The following AGAP1 variants were observed in gnomAD, a reference collection of about 807,000 sequenced individuals.
The protein encoded by AGAP1 is ArfGAP with GTPase domain, ankyrin repeat and PH domain 1, also known as arf-GAP with GTPase, ANK repeat and PH domain-containing protein 1.
AGAP1 carries 29 observed loss-of-function variants against 105.3 expected under a neutral mutation model. The observed-to-expected ratio is 0.28, with a 90% CI of 0.21 to 0.38. The LOEUF (loss-of-function observed/expected upper bound fraction) is 0.38. Ranked by LOEUF, AGAP1 falls within the 10% of genes least tolerant of loss-of-function variation. AGAP1 has a pLI of 1.00. For missense variants in AGAP1, 998 were observed against 1,165.1 expected (o/e 0.86, Z 2.09); for synonymous variants, 509 against 485.9 (o/e 1.05, Z -0.63).
chr2:235,797,786 A>G lies in AGAP1; in HGVS notation c.701A>G (p.Lys234Arg). ...GCCCAGAAGATTGTTGCCACAAGGA[A>G]GAAGCAGCAGCTGTCCATAGGACCC... ...DVAQKIVATR[K>R]KQQLSIGPCK... Residue 234 changes from lysine (K) to arginine (R), a missense_variant, in exon 7 of 18, where the codon AAG (lysine) becomes AGG (arginine). Around this residue, in one of 3 missense-constraint regions of AGAP1, gnomAD observed 735 missense variants for 833.4 expected, o/e 0.88. Coordinates refer to ENST00000304032, the MANE Select transcript of AGAP1 (RefSeq NM_001037131.3). 1 of 1,614,210 alleles carries G rather than the reference A, an allele frequency of 6.2e-7. No homozygotes were observed. Among genetic ancestry groups the G allele is most frequent in the Non-Finnish European group, 8.5e-7 (1 of 1,180,048 alleles).
chr2:235,629,486 G>T (rs1946754279), intron 1 of AGAP1, among the ~76,000 whole-genome samples: 1 of 152,078 alleles, frequency 6.6e-6, no homozygotes, highest in African/African-American at 2.4e-5. Context: ...ACAGGACAGA[G>T]ACATGAAAAT....
chr2:235,590,665 A>ATG (rs147286191), intron 1 of AGAP1, among the ~76,000 whole-genome samples: 2,672 of 127,404 alleles, frequency 0.021, 90 homozygotes, highest in African/African-American at 0.072. Context: ...TTTTGTTTTA[A>ATG]TGTGTGTGTG....
chr2:235,536,627 T>TCGCACA (rs1491469457), intron 1 of AGAP1, among the ~76,000 whole-genome samples: 1 of 108,240 alleles, frequency 9.2e-6, no homozygotes, highest in African/African-American at 3.7e-5. Flanking sequence ...GTCGCATCCT[T>TCGCACA]CACACACACA....
chr2:235,779,717 A>G (rs753870339), intron 6 of AGAP1, among the ~76,000 whole-genome samples: 4 of 152,240 alleles, frequency 2.6e-5, no homozygotes, highest in African/African-American at 4.8e-5. Flanking sequence ...TGCAGACTGA[A>G]GGTGAAAACC....
At chr2:235,833,545 C>T (rs1006415801) in intron 9 of AGAP1, among the ~76,000 whole-genome samples, 1 of 151,518 alleles carries the variant, frequency 6.6e-6, no homozygotes, top group African/African-American at 2.4e-5. Context: ...TCACCCCGCC[C>T]CCTCCTCAGA....
Position 235,866,732 on chromosome 2 carries a change from G to A in AGAP1, c.1051-16613G>A, listed in dbSNP as rs2049188342. Among the ~76,000 whole-genome samples, 1 of 152,228 alleles carries A rather than the reference G, an allele frequency of 6.6e-6. No individual in the cohort carries two copies. Among genetic ancestry groups the A allele is most frequent in the African/African-American group, 2.4e-5 (1 of 41,462 alleles). ...CTGGAAGTCTTGGATCAAGGCCTCA[G>A]TGGGATTGGCTTCTCCTGAAGCCTC... On this transcript the variant is annotated intron_variant, in intron 9 of 17. Transcript: ENST00000304032. The surrounding 1 kb of genome is among the most constrained non-coding windows in gnomAD (Gnocchi z 6.1).
chr2:235,747,684 C>A lies in AGAP1; in HGVS notation c.539-2670C>A, dbSNP rs886474113. ...TGCACGTGGGCTCTGAGGGTCCCTG[C>A]CGCGACGCTTGCTTCCTGCGTGCAG... is the stretch of plus-strand genomic sequence containing the variant. On this transcript the variant is annotated intron_variant, in intron 5 of 17. Coordinates refer to ENST00000304032, the MANE Select transcript of AGAP1 (RefSeq NM_001037131.3). The surrounding 1 kb of genome is among the most constrained non-coding windows in gnomAD (Gnocchi z 5.0). Among the ~76,000 whole-genome samples the A allele has an allele frequency of 1.3e-5, 2 of 152,348 alleles. No homozygotes were observed. Among genetic ancestry groups the A allele is most frequent in the South Asian group, 4.1e-4 (2 of 4,824 alleles).
chr2:235,513,180 C>T (rs1554232), intron 1 of AGAP1, among the ~76,000 whole-genome samples: 27,249 of 152,040 alleles, frequency 0.18, 2,706 homozygotes, highest in East Asian at 0.31. Context: ...CTTTAGCCTG[C>T]GTCAGGATCA....
intron 16 of AGAP1, among the ~76,000 whole-genome samples, chr2:236,116,945 G>T (rs2059786599): frequency 6.6e-6 from 1 of 152,102 alleles, no homozygotes; most frequent in African/African-American, 2.4e-5. Flanking sequence ...CCTTTTTATG[G>T]CTGTGTTGTA....
chr2:235,627,205 T>G (rs575448937), intron 1 of AGAP1, among the ~76,000 whole-genome samples: 20 of 147,024 alleles, frequency 1.4e-4, no homozygotes, highest in Non-Finnish European at 1.8e-4. Context: ...TTTTTTTTTT[T>G]TTTTTTTTTT....
intron 13 of AGAP1, among the ~76,000 whole-genome samples, chr2:235,975,207 G>C (rs2054806604): frequency 6.6e-6 from 1 of 152,190 alleles, no homozygotes; most frequent in South Asian, 2.1e-4. Context: ...TTTTTACTTA[G>C]ATGCTAAGAA....
In AGAP1 at chr2:236,012,275, C is replaced by T. The variant is rs2056540175; in HGVS notation, c.1646-24286C>T. On this transcript the variant is annotated intron_variant, in intron 13 of 17. Transcript: ENST00000304032. This position sits in a 1 kb window ranked among gnomAD's most constrained non-coding sequence, Gnocchi z 4.9. ...AGGAAAGAGGCTTTCTGCACTCGGG[C>T]ACCCCTCCCCTCCCGAGGGGTGCCC... Among the ~76,000 whole-genome samples the T allele has an allele frequency of 6.6e-6, 1 of 151,994 alleles. No individual in the cohort carries two copies. Among genetic ancestry groups the T allele is most frequent in the Admixed American group, 6.5e-5 (1 of 15,268 alleles).
chr2:235,762,912 TGA>T (rs1954574174), intron 6 of AGAP1, among the ~76,000 whole-genome samples: 1 of 152,012 alleles, frequency 6.6e-6, no homozygotes, highest in Non-Finnish European at 1.5e-5. Flanking sequence ...AAACCTTCAG[TGA>T]GTACGTTGGA....
In AGAP1 at chr2:235,574,405, A is replaced by G. The variant is rs1186940907; in HGVS notation, c.163+79556A>G. ...TCTTTGCTAAATGCATAAACTGTAT[A>G]ACGAAATGTAATTAGTGAAGGTGCA... On this transcript the variant is annotated intron_variant, in intron 1 of 17. Coordinates refer to ENST00000304032, the MANE Select transcript of AGAP1 (RefSeq NM_001037131.3). The surrounding 1 kb of genome is among the most constrained non-coding windows in gnomAD (Gnocchi z 5.0). Among the ~76,000 whole-genome samples, 2 of 152,256 alleles carry G rather than the reference A, an allele frequency of 1.3e-5. No individual in the cohort carries two copies. Among genetic ancestry groups the G allele is most frequent in the Non-Finnish European group, 2.9e-5 (2 of 68,044 alleles).
intron 1 of AGAP1, among the ~76,000 whole-genome samples, chr2:235,656,894 C>T (rs1256575556): frequency 2.0e-5 from 3 of 152,172 alleles, no homozygotes; most frequent in African/African-American, 4.8e-5. Context: ...GCATCCTATT[C>T]GGTTTTGCAC....
At chr2:235,933,357 A>G (rs1335298099) in intron 12 of AGAP1, among the ~76,000 whole-genome samples, 1 of 152,106 alleles carries the variant, frequency 6.6e-6, no homozygotes, top group East Asian at 1.9e-4. Context: ...CAGAAAAATG[A>G]GGAGAGACCA....
intron 16 of AGAP1, among the ~76,000 whole-genome samples, chr2:236,074,494 T>G (rs1194801784): frequency 5.9e-5 from 9 of 152,196 alleles, no homozygotes; most frequent in Admixed American, 5.9e-4. Context: ...AGCTCAGCAA[T>G]TTCAAGTTCA....
rs1559253340 is a variant in AGAP1 at position 235,566,428 on chromosome 2, T to TA, written c.163+71580dup. On this transcript the variant is annotated intron_variant, in intron 1 of 17. Transcript: ENST00000304032. This position sits in a 1 kb window ranked among gnomAD's most constrained non-coding sequence, Gnocchi z 5.2. Reference sequence around the variant, plus strand: ...GCAGACTGAAGGACTGCCGCATGCATAGCTGCTATTATTAACTCGAGATCA... The same window carrying TA: ...GCAGACTGAAGGACTGCCGCATGCATAAGCTGCTATTATTAACTCGAGATCA... Among the ~76,000 whole-genome samples, 1 of 152,210 alleles carries TA rather than the reference T, an allele frequency of 6.6e-6. No homozygotes were observed. The highest frequency in any genetic ancestry group is 1.5e-5 in the Non-Finnish European group (1 of 68,040).
In AGAP1 at chr2:235,728,326, TGC is replaced by T. The variant is rs1553615546; in HGVS notation, c.310+10684_310+10685del. Among the ~76,000 whole-genome samples, 2 of 151,628 alleles carry T rather than the reference TGC, an allele frequency of 1.3e-5. No homozygotes were observed. The highest frequency in any genetic ancestry group is 4.9e-5 in the African/African-American group (2 of 41,084). On this transcript the variant is annotated intron_variant, in intron 3 of 17. Coordinates refer to ENST00000304032, the MANE Select transcript of AGAP1 (RefSeq NM_001037131.3). The surrounding 1 kb of genome is among the most constrained non-coding windows in gnomAD (Gnocchi z 4.3). ...CTGTGTGTGTGTGTGTGTGTGTGTGTGCGTGCTCTTAAATCAATGTAAATTAG... is the reference window on the plus strand; with the variant it reads ...CTGTGTGTGTGTGTGTGTGTGTGTGTGTGCTCTTAAATCAATGTAAATTAG...
Sources: gnomAD v4.1 joint callset for allele counts (sites outside exome capture counted in the v4.1 genomes callset) on GRCh38, gnomAD v4.1.1 for gene constraint, gnomAD v4.1.1 regional missense constraint, Gnocchi (gnomAD v3.1) non-coding constraint, MANE v1.5 for transcripts, NCBI Gene and HGNC (gene_info 2026-07-23, HGNC 2026-07-21) for gene names.